ZEB2: variants seen among roughly 807,000 people sequenced by gnomAD.
ZEB2 encodes zinc finger E-box-binding homeobox 2.
Under a neutral mutation model 99.9 loss-of-function variants are expected in ZEB2, and 6 were observed. The observed-to-expected ratio is 0.06, with a 90% CI of 0.03 to 0.12. The LOEUF (loss-of-function observed/expected upper bound fraction) is 0.12. Among genes scored for constraint, ZEB2 ranks in the 10% least tolerant of loss-of-function variants. The probability of loss-of-function intolerance (pLI) is 1.00; values close to 1 mark genes in which losing one functional copy is unlikely to be tolerated. For missense variants in ZEB2, 969 were observed against 1,502.8 expected, an observed-to-expected ratio of 0.64 and a Z score of 5.87; for synonymous variants, 517 against 542.5, an observed-to-expected ratio of 0.95 and a Z score of 0.65.
chr2:144,424,793 C>T lies in ZEB2; in HGVS notation c.403+3G>A. The T allele has an allele frequency of 6.2e-7, 1 of 1,614,054 alleles. No individual in the cohort carries two copies. Among genetic ancestry groups the T allele is most frequent in the Non-Finnish European group, 8.5e-7 (1 of 1,179,928 alleles). On this transcript the variant is annotated splice_donor_region_variant and intron_variant, in intron 4 of 9. Transcript: ENST00000627532. ...TGATCTGAGCGTGGCCAACATAACT[C>T]ACCTGTACCATTGTTAATTGCGGTC... is the stretch of plus-strand genomic sequence containing the variant.
At chr2:144,478,842 G>T (rs1044568977) in intron 2 of ZEB2, among the ~76,000 whole-genome samples, 3 of 152,010 alleles carry the variant, frequency 2.0e-5, no homozygotes, top group Admixed American at 6.6e-5. Flanking sequence ...TATCTACTAT[G>T]TCACTGGGAA....
intron 9 of ZEB2, among the ~76,000 whole-genome samples, chr2:144,395,558 G>A (rs1421239005): frequency 6.6e-6 from 1 of 152,072 alleles, no homozygotes; most frequent in Non-Finnish European, 1.5e-5. Flanking sequence ...CAGTGGAGAA[G>A]AATTGGAGAT....
Position 144,387,676 on chromosome 2 carries a change from A to G in ZEB2, c.*1775T>C, listed in dbSNP as rs1703103619. ...AGACTTTTTTTTGAATAAATCACAA[A>G]GACCCCTTGGACAGAGAAGTGAATT... On this transcript the variant is annotated 3_prime_UTR_variant, in exon 10 of 10. Coordinates refer to ENST00000627532, the MANE Select transcript of ZEB2 (RefSeq NM_014795.4). The G allele has an allele frequency of 1.3e-5, 2 of 152,218 alleles. No individual in the cohort carries two copies. The highest frequency in any genetic ancestry group is 6.5e-5 in the Admixed American group (1 of 15,280). The allele number at this position is 152,218 out of a possible 1,614,324, so 9.4% of individuals were successfully genotyped here. A position where few individuals can be genotyped will look rare whatever the true frequency, so the allele number is the denominator to read the frequency against.
intron 4 of ZEB2, among the ~76,000 whole-genome samples, chr2:144,416,157 A>T (rs1703537199): frequency 6.6e-6 from 1 of 152,166 alleles, no homozygotes; most frequent in Non-Finnish European, 1.5e-5. Flanking sequence ...ATTCCCTTGA[A>T]ACGTGTACTT....
chr2:144,401,973 T>A (rs995740045), intron 6 of ZEB2, among the ~76,000 whole-genome samples: 10 of 152,212 alleles, frequency 6.6e-5, no homozygotes, highest in African/African-American at 2.4e-4. Flanking sequence ...TGATTCATTA[T>A]CAAACGTAAG....
rs1242134764 is a variant in ZEB2, at chr2:144,517,325, C to T, written c.26G>A (p.Gly9Asp). ...TTGTTTGCGCCTCTTGCACCGGGGG[C>T]CATCCGCCATGATCGGCTGCTTCAT... MKQPIMAD[G>D]PRCKRRKQAN... Residue 9 changes from glycine to aspartate, a missense_variant, in exon 2 of 10, where the codon GGC becomes GAC. Physicochemically the swap from Gly to Asp is moderately conservative, Grantham distance 94. This residue lies in a region of ZEB2 where 173 missense variants were observed against 217.7 expected (regional missense o/e 0.79). Coordinates refer to ENST00000627532, the MANE Select transcript of ZEB2 (RefSeq NM_014795.4). The T allele has an allele frequency of 7.4e-6, 12 of 1,613,490 alleles. No individual in the cohort carries two copies. The highest frequency in any genetic ancestry group is 1.3e-5 in the African/African-American group (1 of 74,906).
In ZEB2 at chr2:144,398,864, A is replaced by G. The variant is rs1464061857; in HGVS notation, c.2323T>C (p.Leu775=). 6.2e-7 allele frequency: 1 copy of G among 1,614,138 alleles called. No individual in the cohort carries two copies. ...HFTNIKPVEK[L]DHSRSNTPSP... ...GGAGTATTACTCCTGGAGTGGTCCA[A>G]TTTTTCAACTGGTTTAATATTGGTA... Residue 775 remains leucine (L), a synonymous_variant, in exon 8 of 10, where the codon TTG becomes CTG. Coordinates refer to ENST00000627532, the MANE Select transcript of ZEB2 (RefSeq NM_014795.4).
chr2:144,430,167 C>T (rs1703751020), intron 2 of ZEB2, 141 bp from the exon 3 acceptor site: 5 of 1,256,494 alleles, frequency 4.0e-6, no homozygotes, highest in Non-Finnish European at 4.4e-6. Context: ...TAATTAATAT[C>T]CTTCAGGTTT....
At chr2:144,467,036 A>G (rs1325340553) in intron 2 of ZEB2, among the ~76,000 whole-genome samples, 1 of 152,110 alleles carries the variant, frequency 6.6e-6, no homozygotes, top group African/African-American at 2.4e-5. Context: ...CCCTAACAAG[A>G]CTGACATAAG....
chr2:144,401,085 A>G lies in ZEB2; in HGVS notation c.916+114T>C, dbSNP rs180856022. 1,128 of 936,754 alleles carry G rather than the reference A, an allele frequency of 1.2e-3. 19 individuals carry two copies. The Admixed American group carries it at 0.02, about 17-fold the overall frequency. 58.0% of individuals were successfully genotyped at this position (936,754 alleles called of 1,614,324 possible). Reference sequence around the variant, plus strand: ...ATCAGGCACACAGAGTTGATGAAATAAATAGATAGTTCCAAAAAGCTACAA... The same window carrying G: ...ATCAGGCACACAGAGTTGATGAAATGAATAGATAGTTCCAAAAAGCTACAA... On this transcript the variant is annotated intron_variant, in intron 7 of 9. Coordinates refer to ENST00000627532, the MANE Select transcript of ZEB2 (RefSeq NM_014795.4).
intron 2 of ZEB2, chr2:144,449,862 G>C (rs889703203): frequency 5.3e-5 from 8 of 152,346 alleles, no homozygotes; most frequent in African/African-American, 1.7e-4. Context: ...GTCCAGCTTA[G>C]TACAGTATAG....
chr2:144,404,278 C>T lies in ZEB2; in HGVS notation c.593-148G>A, dbSNP rs1427643394. ...CATCATTGCACCCGGCCCCCTCGCACACCAGTCCCCTCGCATGCCCAGGAC... is the reference window on the plus strand; with the variant it reads ...CATCATTGCACCCGGCCCCCTCGCATACCAGTCCCCTCGCATGCCCAGGAC... On this transcript the variant is annotated intron_variant, in intron 5 of 9. Coordinates refer to ENST00000627532, the MANE Select transcript of ZEB2 (RefSeq NM_014795.4). 6 of 840,752 alleles carry T rather than the reference C, an allele frequency of 7.1e-6. No homozygotes were observed. In the Admixed American group the frequency reaches 8.1e-5, roughly 11 times the overall value. The allele number at this position is 840,752 out of a possible 1,614,324, so 52.1% of individuals were successfully genotyped here.
intron 2 of ZEB2, among the ~76,000 whole-genome samples, chr2:144,508,509 T>A (rs1704982786): frequency 6.6e-6 from 1 of 152,092 alleles, no homozygotes; most frequent in African/African-American, 2.4e-5. Flanking sequence ...ACACCTACAC[T>A]CTTTTTCGAA....
At chr2:144,500,516 TG>T (rs1401817848) in intron 2 of ZEB2, among the ~76,000 whole-genome samples, 1 of 152,224 alleles carries the variant, frequency 6.6e-6, no homozygotes, top group Non-Finnish European at 1.5e-5. Context: ...ATTTTGGTAT[TG>T]CACAGCCTAG....
intron 2 of ZEB2, among the ~76,000 whole-genome samples, chr2:144,439,305 A>G (rs1331241680): frequency 2.0e-5 from 3 of 152,132 alleles, no homozygotes; most frequent in Non-Finnish European, 4.4e-5. Context: ...AAGGCACACA[A>G]AAGCTCCCCA....
chr2:144,472,359 G>A (rs1212005969), intron 2 of ZEB2, among the ~76,000 whole-genome samples: 1 of 152,000 alleles, frequency 6.6e-6, no homozygotes, highest in African/African-American at 2.4e-5. Flanking sequence ...ACTACTGTTA[G>A]AACCAGATTT....
intron 4 of ZEB2, among the ~76,000 whole-genome samples, chr2:144,414,576 G>T (rs1022688173): frequency 6.6e-6 from 1 of 152,058 alleles, no homozygotes; most frequent in Non-Finnish European, 1.5e-5. Context: ...GGGCAGGGTG[G>T]GGTGGAGTTC....
At position 144,389,392 on chromosome 2, in the gene ZEB2, T is replaced by A; in HGVS notation, c.*59A>T. ...TGAACAGCTTAACACAGCAGTGTTT[T>A]CAAGCAGGTAACAATACTACTGGAA... On this transcript the variant is annotated 3_prime_UTR_variant, in exon 10 of 10. Transcript: ENST00000627532. The surrounding 1 kb of genome is among the most constrained non-coding windows in gnomAD (Gnocchi z 6.8). The A allele has an allele frequency of 6.3e-7, 1 of 1,585,772 alleles. No individual in the cohort carries two copies.
At chr2:144,518,251 T>C (rs909099004) in intron 1 of ZEB2, 3 of 152,236 alleles carry the variant, frequency 2.0e-5, no homozygotes, top group Admixed American at 1.3e-4. Flanking sequence ...TTTTAAGCTC[T>C]ACTAAATGAT....
Sources: allele counts gnomAD v4.1 joint callset (sites outside exome capture counted in the v4.1 genomes callset), GRCh38; gene constraint gnomAD v4.1.1; regional missense constraint gnomAD v4.1.1; non-coding constraint Gnocchi (gnomAD v3.1); transcripts MANE v1.5; gene names NCBI Gene and HGNC (gene_info 2026-07-23, HGNC 2026-07-21).